The following NKIRAS1 variants were observed in gnomAD, a reference collection of about 807,000 sequenced individuals.
NKIRAS1 encodes NFKB inhibitor interacting Ras like 1.
NKIRAS1 carries 16 observed loss-of-function variants against 19.8 expected under a neutral mutation model. The observed-to-expected ratio is 0.81, with a 90% CI of 0.55 to 1.23. The LOEUF is 1.23. Ranked by LOEUF, NKIRAS1 falls within the 50% of genes most tolerant of loss-of-function variation. The pLI is 0.00. For synonymous variants in NKIRAS1, 88 were observed against 79.0 expected, an observed-to-expected ratio of 1.11 and a Z score of -0.61; for missense variants, 184 against 220.0, an observed-to-expected ratio of 0.84 and a Z score of 1.04.
intron 1 of NKIRAS1, among the ~76,000 whole-genome samples, chr3:23,914,373 GT>G (rs554549113): frequency 1.9e-3 from 287 of 152,236 alleles, no homozygotes; most frequent in Middle Eastern, 0.01. Context: ...CCAAAACACT[GT>G]TAACATCATA....
chr3:23,945,823 C>CGGCCCCCCCCTCACAT (rs1306024090), intron 1 of NKIRAS1, among the ~76,000 whole-genome samples: 2 of 150,608 alleles, frequency 1.3e-5, no homozygotes, highest in African/African-American at 4.9e-5. Context: ...GCGCCCGGCC[C>CGGCCCCCCCCTCACAT]GGCCCCCCCC....
intron 1 of NKIRAS1, among the ~76,000 whole-genome samples, chr3:23,915,465 A>T (rs186300075): frequency 2.6e-5 from 4 of 152,332 alleles, no homozygotes; most frequent in Non-Finnish European, 5.9e-5. Flanking sequence ...AAAGTTGCTG[A>T]AATTTGTTAC....
intron 1 of NKIRAS1, among the ~76,000 whole-genome samples, chr3:23,940,937 C>A (rs1559517621): frequency 6.6e-6 from 1 of 152,218 alleles, no homozygotes; most frequent in African/African-American, 2.4e-5. Context: ...TGCTCTGAGA[C>A]AAACATGCTT....
chr3:23,913,124 A>T (rs984266414), intron 1 of NKIRAS1, among the ~76,000 whole-genome samples: 1 of 151,858 alleles, frequency 6.6e-6, no homozygotes, highest in Non-Finnish European at 1.5e-5. Flanking sequence ...AGGATAATAT[A>T]ATTATCAGGA....
intron 4 of NKIRAS1, among the ~76,000 whole-genome samples, chr3:23,894,941 G>A (rs1243818564): frequency 6.6e-6 from 1 of 152,192 alleles, no homozygotes; most frequent in Admixed American, 6.5e-5. Flanking sequence ...CCACGTAGAT[G>A]CTGCTTCCAG....
Position 23,890,704 on chromosome 3 carries a change from G to C in NKIRAS1, c.*2391C>G. 3 of 1,070,734 alleles carry C rather than the reference G, an allele frequency of 2.8e-6. No individual in the cohort carries two copies. The highest frequency in any genetic ancestry group is 4.0e-6 in the Non-Finnish European group (3 of 754,958). 66.3% of individuals were successfully genotyped at this position (1,070,734 alleles called of 1,614,324 possible). A position where few individuals can be genotyped will look rare whatever the true frequency, so the allele number is the denominator to read the frequency against. On this transcript the variant is annotated 3_prime_UTR_variant, in exon 5 of 5. Transcript: ENST00000425478. ...GGAGGGTGGGAGTTGGTAAAGAGTA[G>C]GGTATTTCTATAACAGATATTATTC...
At chr3:23,918,336 C>T, upstream of NKIRAS1, 1 of 1,318,826 alleles carries the variant, frequency 7.6e-7, no homozygotes, top group Non-Finnish European at 1.0e-6. Flanking sequence ...ATAGCATTAA[C>T]TTACTGTTGA....
intron 1 of NKIRAS1, among the ~76,000 whole-genome samples, chr3:23,941,671 G>A (rs1411527718): frequency 2.6e-5 from 4 of 152,136 alleles, no homozygotes; most frequent in Non-Finnish European, 5.9e-5. Context: ...GGATGCTCCT[G>A]AGCATCCTCC....
intron 1 of NKIRAS1, chr3:23,945,511 AGGCGGC>A (rs369955272): frequency 2.6e-5 from 24 of 931,928 alleles, no homozygotes; most frequent in African/African-American, 3.6e-5. Context: ...CGCGGCGCTG[AGGCGGC>A]GGCGGCGGCG....
chr3:23,924,766 T>C (rs1301807974), intron 1 of NKIRAS1, among the ~76,000 whole-genome samples: 1 of 152,222 alleles, frequency 6.6e-6, no homozygotes, highest in Non-Finnish European at 1.5e-5. Context: ...AACTGTTCAT[T>C]TTCGCCTTTC....
At chr3:23,895,461 T>C (rs114938982) in intron 4 of NKIRAS1, among the ~76,000 whole-genome samples, 98 of 152,238 alleles carry the variant, frequency 6.4e-4, no homozygotes, top group Middle Eastern at 6.8e-3. Context: ...ACCTTTATCA[T>C]TGTCCTTCCA....
chr3:23,939,016 C>T (rs1401670206), intron 1 of NKIRAS1, among the ~76,000 whole-genome samples: 1 of 152,208 alleles, frequency 6.6e-6, no homozygotes, highest in East Asian at 1.9e-4. Context: ...TGCCAAGAGA[C>T]CCTGAGCCAG....
chr3:23,909,899 G>A (rs1287103622), intron 3 of NKIRAS1, among the ~76,000 whole-genome samples: 4 of 137,650 alleles, frequency 2.9e-5, no homozygotes, highest in South Asian at 4.7e-4. Flanking sequence ...TCGCTCTGTC[G>A]CCAGGCTGGA....
At chr3:23,945,811 C>G (rs1705663623) in intron 1 of NKIRAS1, among the ~76,000 whole-genome samples, 1 of 150,516 alleles carries the variant, frequency 6.6e-6, no homozygotes, top group African/African-American at 2.4e-5. Context: ...CGCGGCCTGC[C>G]GGCGCCCGGC....
At chr3:23,912,518 TATC>T (rs1471559513) in intron 1 of NKIRAS1, among the ~76,000 whole-genome samples, 1 of 152,112 alleles carries the variant, frequency 6.6e-6, no homozygotes, top group Non-Finnish European at 1.5e-5. Context: ...TTAGAATGGT[TATC>T]ATTAAAAAGT....
chr3:23,906,427 T>C (rs973396285), intron 3 of NKIRAS1, among the ~76,000 whole-genome samples: 3 of 152,188 alleles, frequency 2.0e-5, no homozygotes, highest in Non-Finnish European at 4.4e-5. Flanking sequence ...CAGTATACTA[T>C]ACTGCTCTGC....
intron 3 of NKIRAS1, among the ~76,000 whole-genome samples, chr3:23,908,834 ATTTC>A (rs950804207): frequency 1.5e-4 from 22 of 149,760 alleles, no homozygotes; most frequent in South Asian, 2.1e-4. Context: ...CACCTGGATA[ATTTC>A]TTTCTTTCTT....
chr3:23,934,848 ACAGAG>A (rs752708210), intron 1 of NKIRAS1, among the ~76,000 whole-genome samples: 921 of 103,472 alleles, frequency 8.9e-3, no homozygotes, highest in Middle Eastern at 0.031. Context: ...AAAAAAACTT[ACAGAG>A]AATATCAGAA....
intron 4 of NKIRAS1, among the ~76,000 whole-genome samples, chr3:23,893,798 CAAAAAAAAA>C (rs58905555): frequency 1.2e-5 from 1 of 81,556 alleles, no homozygotes; most frequent in Admixed American, 1.6e-4. Flanking sequence ...GACTCCATCT[CAAAAAAAAA>C]AAAAAAAAAA....
Sources: allele counts gnomAD v4.1 joint callset (sites outside exome capture counted in the v4.1 genomes callset), GRCh38; gene constraint gnomAD v4.1.1; transcripts MANE v1.5; gene names NCBI Gene and HGNC (gene_info 2026-07-23, HGNC 2026-07-21).